The following HNRNPM variants were observed in gnomAD, a reference collection of about 807,000 sequenced individuals.
HNRNPM encodes the protein heterogeneous nuclear ribonucleoprotein M, also known as CEA receptor.
HNRNPM carries 11 observed loss-of-function variants against 73.1 expected under a neutral mutation model. The observed-to-expected ratio is 0.15, with a 90% CI of 0.09 to 0.25. HNRNPM has a LOEUF of 0.25. Ranked by LOEUF, HNRNPM falls within the 10% of genes least tolerant of loss-of-function variation. HNRNPM has a pLI of 1.00. For missense variants in HNRNPM, 789 were observed against 1,067.9 expected, an observed-to-expected ratio of 0.74 and a Z score of 3.64; for synonymous variants, 407 against 355.2, an observed-to-expected ratio of 1.15 and a Z score of -1.64.
In HNRNPM at chr19:8,479,533, T is replaced by G. The variant is rs558806265; in HGVS notation, c.1121-3625T>G. Among the ~76,000 whole-genome samples, 3 of 152,124 alleles carry G rather than the reference T, an allele frequency of 2.0e-5. No homozygotes were observed. The South Asian group carries it at 6.2e-4, about 32-fold the overall frequency. ...CTGGGCTGGAGTACAGTGGGTATGA[T>G]CTCACTGTAGCAGGCTGAAGCAATC... On this transcript the variant is annotated intron_variant, in intron 12 of 15. Coordinates refer to ENST00000325495, the MANE Select transcript of HNRNPM (RefSeq NM_005968.5).
intron 13 of HNRNPM, among the ~76,000 whole-genome samples, chr19:8,484,996 G>C (rs1971170652): frequency 6.6e-6 from 1 of 150,936 alleles, no homozygotes; most frequent in Non-Finnish European, 1.5e-5. Flanking sequence ...AAAGTGGCCA[G>C]CTGTGTGCAT....
At chr19:8,445,187 C>A in intron 1 of HNRNPM, 76 bp downstream of exon 1, 1 of 1,246,176 alleles carries the variant, frequency 8.0e-7, no homozygotes, top group South Asian at 2.1e-5. Context: ...TCCGTTAGGT[C>A]TGTTGGCGGC....
intron 9 of HNRNPM, among the ~76,000 whole-genome samples, chr19:8,470,564 G>A (rs1337813256): frequency 2.0e-5 from 3 of 152,148 alleles, no homozygotes; most frequent in Non-Finnish European, 2.9e-5. Context: ...CTGACCTCAC[G>A]TGATCCACCC....
chr19:8,484,135 G>A (rs1971105150), intron 13 of HNRNPM, among the ~76,000 whole-genome samples: 2 of 150,956 alleles, frequency 1.3e-5, no homozygotes, highest in African/African-American at 4.9e-5. Context: ...TGTTGGGCTG[G>A]CTCTGGAGCT....
intron 12 of HNRNPM, among the ~76,000 whole-genome samples, chr19:8,474,923 C>G (rs2145711816): frequency 6.6e-6 from 1 of 152,266 alleles, no homozygotes. Context: ...CCATGTTGGC[C>G]AGGCTGGCCT....
Position 8,485,656 on chromosome 19 carries a change from C to T in HNRNPM, c.1228C>T (p.Arg410Cys), listed in dbSNP as rs1450635900. Residue 410 changes from arginine (R) to cysteine (C), a missense_variant, in exon 14 of 16, where the codon CGC becomes TGC. Arg to Cys is a radical substitution (Grantham distance 180). Coordinates refer to ENST00000325495, the MANE Select transcript of HNRNPM (RefSeq NM_005968.5). The stretch of plus-strand genomic sequence containing the variant: ...CGAGAGGATGGGTCCTGGCATTGAC[C>T]GCCTCGGGGGTGCCGGCATGGAGCG... ...GIERMGPGID[R>C]LGGAGMERMG... The T allele has an allele frequency of 1.2e-6, 2 of 1,607,646 alleles. No individual in the cohort carries two copies. Among genetic ancestry groups the T allele is most frequent in the Non-Finnish European group, 1.7e-6 (2 of 1,179,274 alleles).
At chr19:8,445,396 G>T in intron 1 of HNRNPM, 2 of 315,258 alleles carry the variant, frequency 6.3e-6, no homozygotes, top group Non-Finnish European at 1.2e-5. Context: ...TGCGCATGGG[G>T]GTTGATGGCG....
chr19:8,486,474 G>A (rs1971318693), intron 14 of HNRNPM, 69 bp downstream of exon 14: 14 of 1,390,418 alleles, frequency 1.0e-5, no homozygotes, highest in Non-Finnish European at 1.4e-5. Flanking sequence ...AAGATCAGCA[G>A]GATGAAGTCA....
At chr19:8,454,493 G>C (rs1175983999) in intron 1 of HNRNPM, among the ~76,000 whole-genome samples, 2 of 152,126 alleles carry the variant, frequency 1.3e-5, no homozygotes, top group African/African-American at 4.8e-5. Flanking sequence ...TAGACACTTG[G>C]TTGTTTCTAC....
chr19:8,460,232 C>A (rs1362211633), intron 2 of HNRNPM, among the ~76,000 whole-genome samples: 1 of 152,028 alleles, frequency 6.6e-6, no homozygotes, highest in Non-Finnish European at 1.5e-5. Flanking sequence ...TAAAATAAAT[C>A]TTTGCTTTGC....
intron 10 of HNRNPM, among the ~76,000 whole-genome samples, chr19:8,472,360 A>G (rs967313390): frequency 5.3e-5 from 8 of 152,026 alleles, no homozygotes; most frequent in South Asian, 4.1e-4. Context: ...AAGCCCCTCT[A>G]TCCCACCATT....
chr19:8,472,265 T>A (rs1393945217), intron 10 of HNRNPM, among the ~76,000 whole-genome samples: 4 of 152,022 alleles, frequency 2.6e-5, no homozygotes, highest in Non-Finnish European at 5.9e-5. Context: ...TGTGTAATGA[T>A]GTATTTTGAT....
intron 1 of HNRNPM, among the ~76,000 whole-genome samples, chr19:8,450,728 T>A (rs1488388524): frequency 4.6e-5 from 5 of 109,100 alleles, no homozygotes; most frequent in African/African-American, 1.6e-4. Flanking sequence ...ATTATTATTA[T>A]TTTTTTTTTT....
intron 2 of HNRNPM, among the ~76,000 whole-genome samples, chr19:8,461,758 C>A (rs1316032847): frequency 1.2e-5 from 1 of 84,410 alleles, no homozygotes; most frequent in Non-Finnish European, 3.6e-5. Flanking sequence ...TAGAAAGCGG[C>A]AAGAATGAAG....
At position 8,457,917 on chromosome 19, in the gene HNRNPM, A is replaced by G. The variant is rs1969133232; in HGVS notation, c.283+2343A>G. 3.3e-5 allele frequency among the ~76,000 whole-genome samples: 5 copies of G among 152,214 alleles called. No individual in the cohort carries two copies. In the South Asian group the frequency reaches 1.0e-3, roughly 31 times the overall value. On this transcript the variant is annotated intron_variant, in intron 2 of 15. Coordinates refer to ENST00000325495, the MANE Select transcript of HNRNPM (RefSeq NM_005968.5). ...TATTAGTCTCAATTCCAAAACACAG[A>G]GATCTGGGCTGTTGTAACCTAAGCA... is the stretch of plus-strand genomic sequence containing the variant.
At chr19:8,484,173 CT>C (rs33931165) in intron 13 of HNRNPM, among the ~76,000 whole-genome samples, 53,186 of 109,668 alleles carry the variant, frequency 0.48, 11,558 homozygotes, top group Middle Eastern at 0.55. Flanking sequence ...CCTCCCATTT[CT>C]TTTTTTTTTT....
chr19:8,485,256 T>C (rs1269916024), intron 13 of HNRNPM, among the ~76,000 whole-genome samples: 1 of 152,166 alleles, frequency 6.6e-6, no homozygotes, highest in Non-Finnish European at 1.5e-5. Context: ...GGAGCATTTC[T>C]CAGTGTCTGC....
Position 8,462,362 on chromosome 19 carries a change from T to C in HNRNPM, c.284-167T>C, listed in dbSNP as rs1969462764. 1.6e-6 allele frequency: 1 copy of C among 630,888 alleles called. No individual in the cohort carries two copies. The highest frequency in any genetic ancestry group is 2.9e-6 in the Non-Finnish European group (1 of 344,944). 39.1% of individuals were successfully genotyped at this position (630,888 alleles called of 1,614,324 possible). Reference sequence around the variant, plus strand: ...TTAACGTGTTTTCACCTACTTTTACTGCACACCTGTAATGCCTAGTTCGGT... The same window carrying C: ...TTAACGTGTTTTCACCTACTTTTACCGCACACCTGTAATGCCTAGTTCGGT... On this transcript the variant is annotated intron_variant, in intron 2 of 15. Transcript: ENST00000325495. This position sits in a 1 kb window ranked among gnomAD's most constrained non-coding sequence, Gnocchi z 4.5.
At position 8,473,648 on chromosome 19, in the gene HNRNPM, ACTTTTT is replaced by A. The variant is rs760305459; in HGVS notation, c.998-9_998-4del. On this transcript the variant is annotated splice_polypyrimidine_tract_variant and intron_variant, in intron 10 of 15. Transcript: ENST00000325495. ...TTTGACATAATTTTAGTTTGCATTG[ACTTTTT>A]CTTTTTAAGGAATGGGAATGGAAGG... The A allele has an allele frequency of 1.5e-4, 226 of 1,526,512 alleles. 2 individuals are homozygous for A. The highest frequency in any genetic ancestry group is 3.4e-4 in the Middle Eastern group (2 of 5,930). The allele number at this position is 1,526,512 out of a possible 1,614,324, so 94.6% of individuals were successfully genotyped here.
Sources: allele counts gnomAD v4.1 joint callset (sites outside exome capture counted in the v4.1 genomes callset), GRCh38; gene constraint gnomAD v4.1.1; non-coding constraint Gnocchi (gnomAD v3.1); transcripts MANE v1.5; gene names NCBI Gene and HGNC (gene_info 2026-07-23, HGNC 2026-07-21).